WDR7: variants seen among roughly 807,000 people sequenced by gnomAD.
WDR7 encodes WD repeat-containing protein 7.
WDR7 carries 46 observed loss-of-function variants against 169.4 expected under a neutral mutation model. The observed-to-expected ratio is 0.27, with a 90% CI of 0.21 to 0.35. WDR7 has a LOEUF of 0.35. Ranked by LOEUF, WDR7 falls within the 10% of genes least tolerant of loss-of-function variation. The pLI is 1.00. For missense variants in WDR7, 1,534 were observed against 1,859.3 expected (o/e 0.83, Z 3.22); for synonymous variants, 612 against 666.8 (o/e 0.92, Z 1.27).
chr18:56,664,212 C>G (rs1467302804), intron 1 of WDR7, among the ~76,000 whole-genome samples: 1 of 152,112 alleles, frequency 6.6e-6, no homozygotes, highest in Non-Finnish European at 1.5e-5. Context: ...TTGTTGACCC[C>G]TTCATGTAGT....
At chr18:56,912,598 T>C (rs890728720) in intron 21 of WDR7, among the ~76,000 whole-genome samples, 9 of 152,238 alleles carry the variant, frequency 5.9e-5, no homozygotes, top group Non-Finnish European at 1.2e-4. Flanking sequence ...GAGGTTACCA[T>C]TGGCTTATAA....
At chr18:56,856,816 C>G (rs2045728673) in intron 20 of WDR7, among the ~76,000 whole-genome samples, 2 of 152,176 alleles carry the variant, frequency 1.3e-5, no homozygotes, top group South Asian at 4.1e-4. Context: ...TGCCTCCTCC[C>G]CTAGTTTGTT....
chr18:56,976,178 G>A (rs1368201311), intron 26 of WDR7, among the ~76,000 whole-genome samples: 3 of 152,146 alleles, frequency 2.0e-5, no homozygotes, highest in Non-Finnish European at 4.4e-5. Flanking sequence ...AAGAAAAAGA[G>A]TAAGAATCAT....
intron 20 of WDR7, among the ~76,000 whole-genome samples, chr18:56,869,397 A>T (rs1233074974): frequency 2.0e-5 from 3 of 152,202 alleles, no homozygotes; most frequent in Non-Finnish European, 4.4e-5. Flanking sequence ...AATTAATAGC[A>T]TGTTTGTTTA....
intron 22 of WDR7, among the ~76,000 whole-genome samples, chr18:56,927,051 G>A (rs965248084): frequency 6.6e-6 from 1 of 152,078 alleles, no homozygotes; most frequent in Non-Finnish European, 1.5e-5. Flanking sequence ...TTTTATGTTA[G>A]GCCTGTGCTT....
intron 26 of WDR7, among the ~76,000 whole-genome samples, chr18:56,994,016 C>CTTTTTTTTTTTTT (rs35579782): frequency 7.7e-6 from 1 of 129,204 alleles, no homozygotes; most frequent in Non-Finnish European, 1.6e-5. Context: ...CTTTTTTTTT[C>CTTTTTTTTTTTTT]TTTTTTTTTT....
At chr18:56,703,435 AATGTCTATACC>A (rs2025876370) in intron 12 of WDR7, among the ~76,000 whole-genome samples, 1 of 152,232 alleles carries the variant, frequency 6.6e-6, no homozygotes, top group Non-Finnish European at 1.5e-5. Context: ...TTTAAAAAGC[AATGTCTATACC>A]TATAGCTTAA....
At chr18:56,956,003 T>A (rs2047245358) in intron 25 of WDR7, among the ~76,000 whole-genome samples, 2 of 152,150 alleles carry the variant, frequency 1.3e-5, no homozygotes, top group African/African-American at 4.8e-5. Flanking sequence ...ACATTTTTGA[T>A]CTTGCTTGTA....
rs1039432240 is a variant in WDR7, at chr18:56,694,748, G to A, written c.1096G>A (p.Gly366Arg). The stretch of plus-strand genomic sequence containing the variant: ...CATATCAGACACAGCTGATAAACAG[G>A]GAAGTGAAGAAGGTAATAGTAAATC... Reference protein sequence around the residue: ...WNISDTADKQGSEEGLAMTTS... With the variant: ...WNISDTADKQRSEEGLAMTTS... Residue 366 changes from glycine to arginine, a missense_variant, in exon 10 of 28, where the codon GGA becomes AGA. Transcript: ENST00000254442. The A allele has an allele frequency of 7.5e-6, 12 of 1,608,408 alleles. No homozygotes were observed.
chr18:56,656,470 G>T (rs1266206977), intron 1 of WDR7, among the ~76,000 whole-genome samples: 2 of 151,714 alleles, frequency 1.3e-5, no homozygotes, highest in Non-Finnish European at 2.9e-5. Context: ...AGTAGAGATG[G>T]GGTTTTACCA....
At chr18:57,026,520 GC>G (rs1237649999) in intron 27 of WDR7, among the ~76,000 whole-genome samples, 2 of 152,190 alleles carry the variant, frequency 1.3e-5, no homozygotes, top group Admixed American at 6.5e-5. Flanking sequence ...GGAGTCTTGA[GC>G]TTTATTTGAT....
intron 20 of WDR7, among the ~76,000 whole-genome samples, chr18:56,868,140 GA>G (rs1313784606): frequency 1.3e-5 from 2 of 151,982 alleles, no homozygotes; most frequent in Non-Finnish European, 1.5e-5. Context: ...GAAAGCAGAA[GA>G]AAAAATAACG....
At chr18:57,015,318 GT>G (rs1263985312) in intron 26 of WDR7, among the ~76,000 whole-genome samples, 1 of 152,142 alleles carries the variant, frequency 6.6e-6, no homozygotes, top group Non-Finnish European at 1.5e-5. Flanking sequence ...GAGATTATCT[GT>G]TTTTTAATGG....
intron 26 of WDR7, among the ~76,000 whole-genome samples, chr18:57,016,211 C>T (rs1295718192): frequency 1.3e-5 from 2 of 152,138 alleles, no homozygotes; most frequent in East Asian, 3.9e-4. Flanking sequence ...CCGGCCGCTT[C>T]CCTCTCAGCC....
chr18:56,981,269 G>A (rs2047640673), intron 26 of WDR7, among the ~76,000 whole-genome samples: 1 of 152,138 alleles, frequency 6.6e-6, no homozygotes, highest in Admixed American at 6.5e-5. Context: ...CATTGGAAGA[G>A]GAGCAATTTG....
chr18:56,734,698 A>G (rs1184372592), intron 14 of WDR7, among the ~76,000 whole-genome samples: 1 of 151,786 alleles, frequency 6.6e-6, no homozygotes, highest in Non-Finnish European at 1.5e-5. Flanking sequence ...CATTCTTTTT[A>G]TGCTCACATT....
chr18:56,990,743 T>C (rs1348205223), intron 26 of WDR7, among the ~76,000 whole-genome samples: 1 of 152,228 alleles, frequency 6.6e-6, no homozygotes, highest in African/African-American at 2.4e-5. Flanking sequence ...ACCATAGTTA[T>C]TCTGTCTTAC....
intron 14 of WDR7, among the ~76,000 whole-genome samples, chr18:56,741,564 T>A (rs1340962694): frequency 6.6e-6 from 1 of 152,180 alleles, no homozygotes; most frequent in Non-Finnish European, 1.5e-5. Context: ...TTACACTATA[T>A]GTGGGTTGTG....
intron 26 of WDR7, among the ~76,000 whole-genome samples, chr18:57,008,031 A>T (rs2048089196): frequency 6.6e-6 from 1 of 151,130 alleles, no homozygotes; most frequent in Non-Finnish European, 1.5e-5. Context: ...CATTTTCCTC[A>T]CTCTCTAACA....
Sources: allele counts gnomAD v4.1 joint callset (sites outside exome capture counted in the v4.1 genomes callset), GRCh38; gene constraint gnomAD v4.1.1; transcripts MANE v1.5; gene names NCBI Gene and HGNC (gene_info 2026-07-23, HGNC 2026-07-21).